Variants in ZNF277 observed in about 807,000 individuals in gnomAD.
ZNF277 encodes nuclear receptor-interacting factor 4.
A neutral mutation model predicts 60.7 loss-of-function variants in ZNF277; 55 were observed. The observed-to-expected ratio is 0.91, with a 90% CI of 0.73 to 1.13. The LOEUF is 1.13. Among genes scored for constraint, ZNF277 ranks in the 50% most tolerant of loss-of-function variants. ZNF277 has a pLI of 0.00. For missense variants in ZNF277, 510 were observed against 523.0 expected (o/e 0.98, Z 0.24); for synonymous variants, 178 against 179.3 (o/e 0.99, Z 0.06).
rs1030898216 is a variant in ZNF277 at position 112,293,413 on chromosome 7, C to T, written c.294-2456C>T. On this transcript the variant is annotated intron_variant, in intron 2 of 11. Coordinates refer to ENST00000361822, the MANE Select transcript of ZNF277 (RefSeq NM_021994.3). ...GCAACATGGCAAAACCCCATCTCTA[C>T]AAAAAAAATAGGAAAATTAGTTGGG... Among the ~76,000 whole-genome samples the T allele has an allele frequency of 9.3e-5, 14 of 151,224 alleles. 1 individual carries two copies. Among genetic ancestry groups the T allele is most frequent in the Middle Eastern group, 3.4e-3 (1 of 294 alleles).
intron 4 of ZNF277, among the ~76,000 whole-genome samples, chr7:112,310,478 A>AGAGAGAGAGAGAGAGAGAGATAGTGTGT (rs762824873): frequency 8.0e-6 from 1 of 125,512 alleles, no homozygotes; most frequent in Non-Finnish European, 1.6e-5. Context: ...AGAGAGAGAG[A>AGAGAGAGAGAGAGAGAGAGATAGTGTGT]GTGTGTGTGT....
chr7:112,206,720 G>A lies in ZNF277; in HGVS notation c.4G>A (p.Ala2Thr). M[A>T]ASKTQGAVAR... ...CCCTTTTCTTTTCTGCCGGGTAATG[G>A]CTGCTTCCAAGACCCAGGGGGCTGT... The change falls in exon 1 of 12, where the codon GCT becomes ACT. Residue 2 changes from alanine to threonine, a missense_variant. Physicochemically the swap from Ala to Thr is moderately conservative, Grantham distance 58. Coordinates refer to ENST00000361822, the MANE Select transcript of ZNF277 (RefSeq NM_021994.3). 1 of 1,613,164 alleles carries A rather than the reference G, an allele frequency of 6.2e-7. No individual in the cohort carries two copies. The highest frequency in any genetic ancestry group is 8.5e-7 in the Non-Finnish European group (1 of 1,179,712).
At chr7:112,296,931 T>TTTATTTTA (rs1792365419) in intron 4 of ZNF277, among the ~76,000 whole-genome samples, 1 of 84,072 alleles carries the variant, frequency 1.2e-5, no homozygotes, top group Non-Finnish European at 2.6e-5. Flanking sequence ...TTTTTTTTTT[T>TTTATTTTA]TTTTTTTTTT....
intron 1 of ZNF277, among the ~76,000 whole-genome samples, chr7:112,283,670 A>G (rs574696506): frequency 6.6e-6 from 1 of 152,362 alleles, no homozygotes; most frequent in African/African-American, 2.4e-5. Flanking sequence ...ATTTAGGTCC[A>G]TTCTCTTAGG....
At chr7:112,291,337 G>A (rs1792201981) in intron 2 of ZNF277, among the ~76,000 whole-genome samples, 1 of 152,104 alleles carries the variant, frequency 6.6e-6, no homozygotes, top group South Asian at 2.1e-4. Flanking sequence ...GCAAGATATT[G>A]CAACAAGGAT....
At chr7:112,297,168 C>T (rs907227127) in intron 4 of ZNF277, among the ~76,000 whole-genome samples, 4 of 151,714 alleles carry the variant, frequency 2.6e-5, no homozygotes, top group Non-Finnish European at 5.9e-5. Context: ...ACCTCATGAT[C>T]TGCCCACCTC....
rs538904186 is a variant in ZNF277 at position 112,255,001 on chromosome 7, A to C, written c.92-31872A>C. On this transcript the variant is annotated intron_variant, in intron 1 of 11. Transcript: ENST00000361822. ...GAAACAAAACAAACAAACAAACAAA[A>C]AAAACAAGTGATTGCCATTTACTCT... Among the ~76,000 whole-genome samples the C allele has an allele frequency of 4.6e-5, 7 of 151,642 alleles. No individual in the cohort carries two copies. In the South Asian group the frequency reaches 8.4e-4, roughly 18 times the overall value.
intron 1 of ZNF277, among the ~76,000 whole-genome samples, chr7:112,210,729 C>G (rs1821723781): frequency 6.6e-6 from 1 of 152,158 alleles, no homozygotes; most frequent in South Asian, 2.1e-4. Flanking sequence ...TCCTCGGCCT[C>G]CCAAAGTGCT....
In ZNF277 at chr7:112,305,205, G is replaced by A. The variant is rs553080116; in HGVS notation, c.465+8894G>A. ...TCAGGAGACCAGGCTCGGTAACAAA[G>A]CAAGACTCCATTCCTTAAAAATAAT... is the stretch of plus-strand genomic sequence containing the variant. On this transcript the variant is annotated intron_variant, in intron 4 of 11. Coordinates refer to ENST00000361822, the MANE Select transcript of ZNF277 (RefSeq NM_021994.3). Among the ~76,000 whole-genome samples the A allele has an allele frequency of 3.2e-4, 49 of 152,052 alleles. No homozygotes were observed. The South Asian group carries it at 1.0e-2, about 31-fold the overall frequency.
At chr7:112,271,321 C>T (rs961934823) in intron 1 of ZNF277, among the ~76,000 whole-genome samples, 13 of 151,988 alleles carry the variant, frequency 8.6e-5, no homozygotes, top group Admixed American at 6.6e-5. Flanking sequence ...TTTTATTGTC[C>T]AGCATCATTT....
At chr7:112,299,435 G>A (rs1328016924) in intron 4 of ZNF277, among the ~76,000 whole-genome samples, 1 of 152,098 alleles carries the variant, frequency 6.6e-6, no homozygotes, top group African/African-American at 2.4e-5. Context: ...ATGTAAACTG[G>A]TATACCATTT....
Position 112,252,397 on chromosome 7 carries a change from A to G in ZNF277, c.92-34476A>G, listed in dbSNP as rs758246351. 5.9e-5 allele frequency among the ~76,000 whole-genome samples: 9 copies of G among 152,324 alleles called. No homozygotes were observed. The East Asian group carries it at 1.2e-3, about 20-fold the overall frequency. On this transcript the variant is annotated intron_variant, in intron 1 of 11. Transcript: ENST00000361822. ...TAAAAGAGTGAATGAATGGAGCAGG[A>G]TAGCACAATATTTTTTCTGTGTGCG...
At chr7:112,313,854 A>C (rs1792784375) in intron 4 of ZNF277, among the ~76,000 whole-genome samples, 1 of 152,154 alleles carries the variant, frequency 6.6e-6, no homozygotes, top group Non-Finnish European at 1.5e-5. Flanking sequence ...TCCTTTGAGA[A>C]AGCCATTTTG....
intron 1 of ZNF277, among the ~76,000 whole-genome samples, chr7:112,229,460 A>C (rs980709360): frequency 6.6e-6 from 1 of 152,260 alleles, no homozygotes; most frequent in Non-Finnish European, 1.5e-5. Flanking sequence ...ACTGCATCTC[A>C]TAACCAACTT....
At chr7:112,335,293 CTT>C (rs1793307821) in intron 7 of ZNF277, among the ~76,000 whole-genome samples, 1 of 152,144 alleles carries the variant, frequency 6.6e-6, no homozygotes, top group African/African-American at 2.4e-5. Flanking sequence ...CTACCTCTCT[CTT>C]TGTGACATTG....
intron 1 of ZNF277, among the ~76,000 whole-genome samples, chr7:112,207,932 T>C (rs2116936244): frequency 6.6e-6 from 1 of 152,254 alleles, no homozygotes; most frequent in East Asian, 1.9e-4. Flanking sequence ...AGTTAAATAT[T>C]GAATTTAACA....
chr7:112,260,593 A>G (rs1791419810), intron 1 of ZNF277, among the ~76,000 whole-genome samples: 1 of 152,168 alleles, frequency 6.6e-6, no homozygotes, highest in African/African-American at 2.4e-5. Flanking sequence ...ACATCAACGT[A>G]TATTCTTGAA....
chr7:112,339,859 A>T lies in ZNF277; in HGVS notation c.983A>T (p.Asp328Val). The T allele has an allele frequency of 3.1e-6, 5 of 1,611,824 alleles. No homozygotes were observed. Among genetic ancestry groups the T allele is most frequent in the Non-Finnish European group, 4.2e-6 (5 of 1,179,892 alleles). The part of the protein sequence containing the change: ...YVHMEDAHEF[D>V]LLKIKSELGL... ...CTTTTTTAGGATGCACACGAATTTG[A>T]TCTTCTCAAAATAAAGTCAGAACTT... Residue 328 changes from aspartate to valine, a missense_variant, in exon 10 of 12, where the codon GAT (aspartate) becomes GTT (valine). Transcript: ENST00000361822.
At chr7:112,278,801 A>C (rs1343155321) in intron 1 of ZNF277, among the ~76,000 whole-genome samples, 1 of 152,190 alleles carries the variant, frequency 6.6e-6, no homozygotes, top group Non-Finnish European at 1.5e-5. Context: ...TTTAATGTAC[A>C]CTACTATTAA....
Sources: gnomAD v4.1 joint callset for allele counts (sites outside exome capture counted in the v4.1 genomes callset) on GRCh38, gnomAD v4.1.1 for gene constraint, MANE v1.5 for transcripts, NCBI Gene and HGNC (gene_info 2026-07-23, HGNC 2026-07-21) for gene names.